OGDH: variants seen among roughly 807,000 people sequenced by gnomAD.
OGDH encodes 2-oxoglutarate dehydrogenase complex component E1.
Under a neutral mutation model 116.6 loss-of-function variants are expected in OGDH, and 38 were observed. That is an observed-to-expected ratio of 0.33 (90% CI 0.25 to 0.43). The LOEUF is 0.43. Among genes scored for constraint, OGDH ranks in the 20% least tolerant of loss-of-function variants. OGDH has a pLI of 1.00. For synonymous variants in OGDH, 488 were observed against 533.3 expected, an observed-to-expected ratio of 0.92 and a Z score of 1.17; for missense variants, 825 against 1,357.2, an observed-to-expected ratio of 0.61 and a Z score of 6.16.
chr7:44,694,605 G>A lies in OGDH; in HGVS notation c.1668+29G>A, dbSNP rs372581211. 28 of 1,608,930 alleles carry A rather than the reference G, an allele frequency of 1.7e-5. No homozygotes were observed. Among genetic ancestry groups the A allele is most frequent in the East Asian group, 6.7e-5 (3 of 44,728 alleles). ...CGTCCCTGCGGCTCTATCCCAGTGC[G>A]CCTTTCCAGGGCTGGCGATGACTAG... On this transcript the variant is annotated intron_variant, in intron 12 of 22. Transcript: ENST00000222673. This position sits in a 1 kb window ranked among gnomAD's most constrained non-coding sequence, Gnocchi z 4.2.
intron 5 of OGDH, among the ~76,000 whole-genome samples, chr7:44,672,268 G>A (rs568289897): frequency 6.6e-6 from 1 of 152,236 alleles, no homozygotes; most frequent in East Asian, 1.9e-4. Context: ...TGTGTACAGG[G>A]ATAGCCCACC....
chr7:44,613,106 G>A (rs1207323080), intron 1 of OGDH, among the ~76,000 whole-genome samples: 1 of 151,818 alleles, frequency 6.6e-6, no homozygotes, highest in Non-Finnish European at 1.5e-5. Context: ...TCGATCTCCT[G>A]ACCTCGTGAT....
At chr7:44,635,742 G>A (rs1288576123) in intron 2 of OGDH, among the ~76,000 whole-genome samples, 3 of 149,388 alleles carry the variant, frequency 2.0e-5, no homozygotes, top group African/African-American at 5.0e-5. Context: ...GTCTCGCTCT[G>A]TCTCCAGGCT....
At chr7:44,641,052 C>T (rs959451412) in intron 2 of OGDH, among the ~76,000 whole-genome samples, 9 of 146,648 alleles carry the variant, frequency 6.1e-5, no homozygotes, top group African/African-American at 2.2e-4. Flanking sequence ...CACCACCACC[C>T]CCAGCTAATT....
intron 2 of OGDH, among the ~76,000 whole-genome samples, chr7:44,634,760 T>G (rs144118080): frequency 6.6e-6 from 1 of 152,312 alleles, no homozygotes; most frequent in African/African-American, 2.4e-5. Flanking sequence ...TGGTGGTAAG[T>G]GGTACTCTGG....
chr7:44,694,615 G>T lies in OGDH; in HGVS notation c.1668+39G>T. 1.9e-6 allele frequency: 3 copies of T among 1,605,506 alleles called. No individual in the cohort carries two copies. Among genetic ancestry groups the T allele is most frequent in the Non-Finnish European group, 2.6e-6 (3 of 1,172,884 alleles). On this transcript the variant is annotated intron_variant, in intron 12 of 22. Coordinates refer to ENST00000222673, the MANE Select transcript of OGDH (RefSeq NM_002541.4). This position sits in a 1 kb window ranked among gnomAD's most constrained non-coding sequence, Gnocchi z 4.2. ...GCTCTATCCCAGTGCGCCTTTCCAG[G>T]GCTGGCGATGACTAGAAAAGGTGGG...
intron 9 of OGDH, among the ~76,000 whole-genome samples, chr7:44,681,180 C>T (rs931481357): frequency 1.3e-5 from 2 of 152,358 alleles, no homozygotes; most frequent in South Asian, 2.1e-4. Context: ...CCACTATACT[C>T]ATTGCCAAGG....
chr7:44,609,284 A>G (rs531158113), intron 1 of OGDH, among the ~76,000 whole-genome samples: 26 of 145,120 alleles, frequency 1.8e-4, no homozygotes, highest in African/African-American at 6.1e-4. Flanking sequence ...AGGCAGGCAG[A>G]TCGCTTGAGC....
chr7:44,650,608 G>A (rs140579721), intron 4 of OGDH, among the ~76,000 whole-genome samples: 2 of 152,304 alleles, frequency 1.3e-5, no homozygotes, highest in Non-Finnish European at 2.9e-5. Flanking sequence ...AAACTGAGAG[G>A]TCAAGCAAAA....
intron 8 of OGDH, 29 bp downstream of exon 8, chr7:44,675,297 G>A: frequency 1.3e-6 from 2 of 1,578,728 alleles, no homozygotes; most frequent in Non-Finnish European, 1.7e-6. Flanking sequence ...GACACATCCA[G>A]CATAGCCCCA....
intron 4 of OGDH, chr7:44,656,243 G>A: frequency 7.0e-7 from 1 of 1,427,700 alleles, no homozygotes; most frequent in East Asian, 2.5e-5. Flanking sequence ...TTTGGTGTTT[G>A]GGTCTTTTTT....
intron 1 of OGDH, among the ~76,000 whole-genome samples, chr7:44,617,421 T>C (rs1784848123): frequency 6.6e-6 from 1 of 152,122 alleles, no homozygotes; most frequent in Non-Finnish European, 1.5e-5. Context: ...AGTGACTTGG[T>C]GTCACACGGT....
intron 1 of OGDH, among the ~76,000 whole-genome samples, chr7:44,620,603 A>G (rs949666725): frequency 2.0e-5 from 3 of 152,354 alleles, no homozygotes; most frequent in Admixed American, 2.0e-4. Context: ...TCCCTGCTGA[A>G]TGGAGTTGGC....
At chr7:44,700,085 C>A in intron 18 of OGDH, 56 bp from the exon 19 acceptor site, 1 of 1,593,188 alleles carries the variant, frequency 6.3e-7, no homozygotes, top group Non-Finnish European at 8.6e-7. Flanking sequence ...CCCCCACATG[C>A]CCCAGAAGAC....
chr7:44,648,883 C>G (rs1786309023), intron 4 of OGDH, among the ~76,000 whole-genome samples: 1 of 152,040 alleles, frequency 6.6e-6, no homozygotes, highest in Admixed American at 6.6e-5. Flanking sequence ...ATGAGTTGAA[C>G]CCTGCTTTTT....
rs369642342 is a variant in OGDH at position 44,653,949 on chromosome 7, G to C, written c.517+6190G>C. Among the ~76,000 whole-genome samples the C allele has an allele frequency of 2.3e-3, 353 of 152,202 alleles. 1 individual carries two copies. Among genetic ancestry groups the C allele is most frequent in the African/African-American group, 8.1e-3 (336 of 41,524 alleles). ...AGCTCACTGCAACCTCTGCCTCCCAGGTTCAAGCAATCCTCCTGCTTCAGC... is the reference window on the plus strand; with the variant it reads ...AGCTCACTGCAACCTCTGCCTCCCACGTTCAAGCAATCCTCCTGCTTCAGC... On this transcript the variant is annotated intron_variant, in intron 4 of 22. Transcript: ENST00000222673.
rs551817561 is a variant in OGDH at position 44,675,746 on chromosome 7, G to A, written c.1027-224G>A. On this transcript the variant is annotated intron_variant, in intron 8 of 22. Coordinates refer to ENST00000222673, the MANE Select transcript of OGDH (RefSeq NM_002541.4). ...TACAAAATTAGCCGGGCGTGGTGGC[G>A]CATGCCTGTAATCCCAGCTACTCGG... 9.9e-5 allele frequency among the ~76,000 whole-genome samples: 15 copies of A among 151,834 alleles called. No individual in the cohort carries two copies. In the East Asian group the frequency reaches 2.5e-3, roughly 26 times the overall value.
In OGDH at chr7:44,613,052, A is replaced by G. The variant is rs571625430; in HGVS notation, c.-28+6399A>G. Among the ~76,000 whole-genome samples the G allele has an allele frequency of 8.7e-5, 13 of 150,026 alleles. No homozygotes were observed. In the South Asian group the frequency reaches 2.3e-3, roughly 27 times the overall value. On this transcript the variant is annotated intron_variant, in intron 1 of 22. Transcript: ENST00000222673. Reference sequence around the variant, plus strand: ...CGTGCCACCAACGTAATTTTTTTGTATTTTTAGTAGAGACAGGGTTTCACC... The same window carrying G: ...CGTGCCACCAACGTAATTTTTTTGTGTTTTTAGTAGAGACAGGGTTTCACC...
In OGDH at chr7:44,707,395, G is replaced by A. The variant is rs1453221069; in HGVS notation, c.2796+7G>A. 6.2e-7 allele frequency: 1 copy of A among 1,614,094 alleles called. No individual in the cohort carries two copies. The highest frequency in any genetic ancestry group is 1.1e-5 in the South Asian group (1 of 91,090). On this transcript the variant is annotated splice_region_variant and intron_variant, in intron 21 of 22. Transcript: ENST00000222673. This position sits in a 1 kb window ranked among gnomAD's most constrained non-coding sequence, Gnocchi z 5.2. Reference sequence around the variant, plus strand: ...CATCACAAGGATTGAGCAGGTGAGGGCAGGTGGTGCCATCAGGGTGTCCCC... The same window carrying A: ...CATCACAAGGATTGAGCAGGTGAGGACAGGTGGTGCCATCAGGGTGTCCCC...
Sources: allele counts gnomAD v4.1 joint callset (sites outside exome capture counted in the v4.1 genomes callset), GRCh38; gene constraint gnomAD v4.1.1; non-coding constraint Gnocchi (gnomAD v3.1); transcripts MANE v1.5; gene names NCBI Gene and HGNC (gene_info 2026-07-23, HGNC 2026-07-21).